The following NOMO1 variants were observed in gnomAD, a reference collection of about 807,000 sequenced individuals.
NOMO1 encodes the protein NODAL modulator 1.
NOMO1 carries 40 observed loss-of-function variants against 133.8 expected under a neutral mutation model. The ratio of observed to expected loss-of-function variants is 0.30; its 90% CI spans 0.23 to 0.39. The LOEUF is 0.39. NOMO1 is among the 10% of genes least tolerant of loss of function. NOMO1 has a pLI of 1.00. For missense variants in NOMO1, 462 were observed against 1,419.9 expected (o/e 0.33, Z 10.84); for synonymous variants, 236 against 570.5 (o/e 0.41, Z 8.36).
intron 19 of NOMO1, 33 bp downstream of exon 19, chr16:14,875,287 C>T (rs760755271): frequency 1.9e-6 from 3 of 1,609,662 alleles, no homozygotes; most frequent in Admixed American, 1.7e-5. Context: ...CTACAGTGTC[C>T]TCTGTTTTGT....
At chr16:14,860,651 T>G (rs1363101239) in intron 11 of NOMO1, among the ~76,000 whole-genome samples, 1 of 151,922 alleles carries the variant, frequency 6.6e-6, no homozygotes, top group Non-Finnish European at 1.5e-5. Flanking sequence ...ACAGGTTTCT[T>G]ATTTGAGCCA....
chr16:14,885,147 C>T (rs1386201002), intron 27 of NOMO1, among the ~76,000 whole-genome samples: 6 of 152,086 alleles, frequency 3.9e-5, no homozygotes, highest in Non-Finnish European at 8.8e-5. Context: ...GGGATCCACC[C>T]CAAAGATCCG....
At chr16:14,885,463 C>G (rs1417401961) in intron 27 of NOMO1, among the ~76,000 whole-genome samples, 1 of 152,082 alleles carries the variant, frequency 6.6e-6, no homozygotes, top group Middle Eastern at 3.2e-3. Flanking sequence ...ATAAAATACC[C>G]TGCAGACCCT....
At chr16:14,879,100 G>A (rs1347067076) in intron 23 of NOMO1, among the ~76,000 whole-genome samples, 2 of 151,868 alleles carry the variant, frequency 1.3e-5, no homozygotes, top group African/African-American at 2.4e-5. Flanking sequence ...TGGCCACAAC[G>A]GCTGCTCTCT....
At chr16:14,845,501 A>G (rs535618097) in intron 4 of NOMO1, among the ~76,000 whole-genome samples, 51 of 152,088 alleles carry the variant, frequency 3.4e-4, no homozygotes, top group South Asian at 2.3e-3. Context: ...GAGGATTCCT[A>G]TTATTTAAGT....
chr16:14,862,316 G>A (rs1034225915), intron 11 of NOMO1: 2 of 152,314 alleles, frequency 1.3e-5, no homozygotes, highest in Non-Finnish European at 2.9e-5. Context: ...TCGTTGTAGG[G>A]GGGCCTCTCG....
chr16:14,845,978 C>T (rs1963674638), intron 4 of NOMO1, among the ~76,000 whole-genome samples: 1 of 150,162 alleles, frequency 6.7e-6, no homozygotes, highest in African/African-American at 2.4e-5. Context: ...AGGCGTGTGC[C>T]ACCTGACCCA....
Position 14,857,627 on chromosome 16 carries a change from C to A in NOMO1, c.1192C>A (p.Pro398Thr), listed in dbSNP as rs748616828. ...CACCATCAAAATTGCACCGAACACACCTCAGCTGGCTGACATTATTGCAAC... is the reference window on the plus strand; with the variant it reads ...CACCATCAAAATTGCACCGAACACAACTCAGCTGGCTGACATTATTGCAAC... ...TVTIKIAPNT[P>T]QLADIIATGF... Residue 398 changes from proline to threonine, a missense_variant, in exon 11 of 31, where the codon CCT (proline) becomes ACT (threonine). Pro to Thr is a conservative substitution (Grantham distance 38). Coordinates refer to ENST00000287667, the MANE Select transcript of NOMO1 (RefSeq NM_014287.4). 1 of 1,613,662 alleles carries A rather than the reference C, an allele frequency of 6.2e-7. No homozygotes were observed. The highest frequency in any genetic ancestry group is 8.5e-7 in the Non-Finnish European group (1 of 1,179,836).
chr16:14,860,507 T>C (rs998577385), intron 11 of NOMO1, among the ~76,000 whole-genome samples: 4 of 151,766 alleles, frequency 2.6e-5, no homozygotes, highest in Non-Finnish European at 5.9e-5. Flanking sequence ...GGGCCAGATA[T>C]GAGGCAGTGG....
chr16:14,859,746 A>C lies in NOMO1; in HGVS notation c.1220+2091A>C, dbSNP rs146103419. 4.0e-3 allele frequency among the ~76,000 whole-genome samples: 607 copies of C among 152,270 alleles called. 4 individuals carry two copies. The highest frequency in any genetic ancestry group is 6.4e-3 in the Non-Finnish European group (436 of 68,020). ...AAAATAAAATAACAAGATTTTAAAA[A>C]AAGACAAGACAAATACATTTATGCT... On this transcript the variant is annotated intron_variant, in intron 11 of 30. Transcript: ENST00000287667.
In NOMO1 at chr16:14,895,932, A is replaced by G. The variant is rs1324781878; in HGVS notation, c.*287A>G. The G allele has an allele frequency of 7.6e-6, 12 of 1,572,926 alleles. No homozygotes were observed. In the African/African-American group the frequency reaches 1.5e-4, roughly 20 times the overall value. ...TATTATTTTTGTCAAAGAAGTATTTAAGCTGTGCTGTGGTGTGAGAATGTC... is the reference window on the plus strand; with the variant it reads ...TATTATTTTTGTCAAAGAAGTATTTGAGCTGTGCTGTGGTGTGAGAATGTC... On this transcript the variant is annotated 3_prime_UTR_variant, in exon 31 of 31. Transcript: ENST00000287667.
intron 1 of NOMO1, among the ~76,000 whole-genome samples, chr16:14,835,212 A>G (rs80345887): frequency 4.3e-3 from 632 of 147,010 alleles, no homozygotes; most frequent in Non-Finnish European, 6.7e-3. Flanking sequence ...CATTTCTTTA[A>G]CAAGCGGATC....
In NOMO1 at chr16:14,853,984, C is replaced by T; in HGVS notation, c.921C>T (p.Ser307=). 1 of 1,606,464 alleles carries T rather than the reference C, an allele frequency of 6.2e-7. No individual in the cohort carries two copies. Among genetic ancestry groups the T allele is most frequent in the Admixed American group, 1.7e-5 (1 of 59,532 alleles). Residue 307 remains serine, a synonymous_variant, in exon 9 of 31, where the codon TCC becomes TCT. Coordinates refer to ENST00000287667, the MANE Select transcript of NOMO1 (RefSeq NM_014287.4). ...GERITFDVAP[S]RLDFTVEHDS... is the part of the protein sequence containing the mutation. ...GGATTACCTTTGATGTGGCGCCTTC[C>T]AGACTTGACTTCACAGTGGAGCATG...
chr16:14,838,522 T>G, intron 2 of NOMO1, 26 bp downstream of exon 2: 1 of 1,611,838 alleles, frequency 6.2e-7, no homozygotes. Flanking sequence ...TTGTCACTTA[T>G]GATGGGAAAT....
At chr16:14,860,854 TC>T (rs1963913637) in intron 11 of NOMO1, among the ~76,000 whole-genome samples, 1 of 151,926 alleles carries the variant, frequency 6.6e-6, no homozygotes, top group South Asian at 2.1e-4. Context: ...CTATTTCTTT[TC>T]CTTTTTATTT....
At chr16:14,875,577 ATGGATGGATGGATGGATGGTTGGGT>A (rs1464292880) in intron 20 of NOMO1, among the ~76,000 whole-genome samples, 155 bp downstream of exon 20, 4 of 98,132 alleles carry the variant, frequency 4.1e-5, no homozygotes, top group African/African-American at 8.2e-5. Context: ...GGTTGGATGG[ATGGATGGATGGATGGATGGTTGGGT>A]TGGATGGATG....
At chr16:14,874,414 CA>C (rs1964124178) in intron 18 of NOMO1, among the ~76,000 whole-genome samples, 1 of 152,028 alleles carries the variant, frequency 6.6e-6, no homozygotes, top group South Asian at 2.1e-4. Flanking sequence ...TCGCTTTTCC[CA>C]AGCTACTGTT....
rs760368024 is a variant in NOMO1, at chr16:14,864,637, C to A, written c.1448C>A (p.Thr483Lys). The change falls in exon 13 of 31, where the codon ACA becomes AAA. Residue 483 changes from threonine (T) to lysine (K), a missense_variant. Transcript: ENST00000287667. The stretch of plus-strand genomic sequence containing the variant: ...GCAGGGCTGACGTTGAAACCCCAGA[C>A]ATTTCCTCTTACTGTGACCAACAGG... Reference protein sequence around the residue: ...TRAGLTLKPQTFPLTVTNRPM... With the variant: ...TRAGLTLKPQKFPLTVTNRPM... 6.2e-7 allele frequency: 1 copy of A among 1,613,206 alleles called. No homozygotes were observed. Among genetic ancestry groups the A allele is most frequent in the African/African-American group, 1.3e-5 (1 of 74,464 alleles).
intron 1 of NOMO1, among the ~76,000 whole-genome samples, chr16:14,837,428 C>T (rs1183637845): frequency 1.3e-5 from 2 of 152,142 alleles, no homozygotes; most frequent in Non-Finnish European, 2.9e-5. Flanking sequence ...AAACCGAACA[C>T]GAGCTTGCCC....
Sources: allele counts gnomAD v4.1 joint callset (sites outside exome capture counted in the v4.1 genomes callset), GRCh38; gene constraint gnomAD v4.1.1; transcripts MANE v1.5; gene names NCBI Gene and HGNC (gene_info 2026-07-23, HGNC 2026-07-21).